Variants in RAB11FIP4 observed in about 807,000 individuals in gnomAD.
RAB11FIP4 encodes rab11 family-interacting protein 4.
Under a neutral mutation model 74.3 loss-of-function variants are expected in RAB11FIP4, and 23 were observed. That is an observed-to-expected ratio of 0.31 (90% CI 0.22 to 0.44). The LOEUF (loss-of-function observed/expected upper bound fraction) is 0.44. RAB11FIP4 is among the 20% of genes least tolerant of loss of function. The pLI, the probability that RAB11FIP4 is intolerant of heterozygous loss-of-function variation, is 1.00. For synonymous variants in RAB11FIP4, 360 were observed against 359.9 expected (o/e 1.00, Z 0.00); for missense variants, 630 against 863.9 (o/e 0.73, Z 3.39).
chr17:31,493,514 C>A (rs925340652), intron 3 of RAB11FIP4, among the ~76,000 whole-genome samples: 1 of 151,976 alleles, frequency 6.6e-6, no homozygotes, highest in Non-Finnish European at 1.5e-5. Flanking sequence ...ACCCTCTGCA[C>A]CAGACTCAAG....
chr17:31,498,157 C>T (rs1567677510), intron 3 of RAB11FIP4, among the ~76,000 whole-genome samples: 3 of 152,090 alleles, frequency 2.0e-5, no homozygotes, highest in Non-Finnish European at 4.4e-5. Context: ...GAGGGGGTTC[C>T]CAATGGACTC....
intron 3 of RAB11FIP4, among the ~76,000 whole-genome samples, chr17:31,453,255 G>A (rs2071542461): frequency 6.6e-6 from 1 of 151,554 alleles, no homozygotes; most frequent in East Asian, 2.0e-4. Flanking sequence ...GGAGGCTGAG[G>A]TGGGAGGATC....
At chr17:31,507,644 T>C (rs1219772191) in intron 3 of RAB11FIP4, among the ~76,000 whole-genome samples, 1 of 152,006 alleles carries the variant, frequency 6.6e-6, no homozygotes, top group East Asian at 1.9e-4. Flanking sequence ...CCTTCATTTC[T>C]CTCATCTATT....
At position 31,397,482 on chromosome 17, in the gene RAB11FIP4, G is replaced by T. The variant is rs78818700; in HGVS notation, c.159+5471G>T. The stretch of plus-strand genomic sequence containing the variant: ...TTTTGAGACCAGGCAACCTCTATGT[G>T]CCCCACCCTAATGAGGCTACCATGC... On this transcript the variant is annotated intron_variant, in intron 1 of 14. Transcript: ENST00000621161. Among the ~76,000 whole-genome samples the T allele has an allele frequency of 2.5e-3, 387 of 152,316 alleles. 1 individual carries two copies. The highest frequency in any genetic ancestry group is 9.0e-3 in the African/African-American group (373 of 41,562).
chr17:31,414,030 C>T (rs961822417), intron 1 of RAB11FIP4, among the ~76,000 whole-genome samples: 4 of 152,230 alleles, frequency 2.6e-5, no homozygotes, highest in African/African-American at 4.8e-5. Context: ...TTATCCCGAG[C>T]CTGCTCTGTG....
At chr17:31,414,915 G>C (rs2071132767) in intron 1 of RAB11FIP4, among the ~76,000 whole-genome samples, 1 of 152,238 alleles carries the variant, frequency 6.6e-6, no homozygotes, top group African/African-American at 2.4e-5. Context: ...AGGTAGGGCA[G>C]CTCCAGGGCT....
intron 1 of RAB11FIP4, among the ~76,000 whole-genome samples, chr17:31,429,887 G>A (rs76593641): frequency 1.9e-3 from 281 of 151,026 alleles, no homozygotes; most frequent in African/African-American, 6.5e-3. Flanking sequence ...GATGCTCTTC[G>A]GGGCTGTCCT....
chr17:31,402,392 G>T (rs1189031975), intron 1 of RAB11FIP4, among the ~76,000 whole-genome samples: 2 of 152,170 alleles, frequency 1.3e-5, no homozygotes, highest in African/African-American at 4.8e-5. Context: ...GGGACCAGAT[G>T]GTGACTTTCG....
chr17:31,536,936 G>T lies in RAB11FIP4; in HGVS notation c.*5204G>T, dbSNP rs1551358. 0.67 allele frequency: 266,696 copies of T among 398,616 alleles called. 89,368 individuals carry two copies. The highest frequency in any genetic ancestry group is 0.75 in the East Asian group (20,939 of 28,052). The allele number at this position is 398,616 out of a possible 1,614,324, so 24.7% of individuals were successfully genotyped here. On this transcript the variant is annotated 3_prime_UTR_variant, in exon 15 of 15. Coordinates refer to ENST00000621161, the MANE Select transcript of RAB11FIP4 (RefSeq NM_032932.6). Reference sequence around the variant, plus strand: ...CATATGACCTCCCTGCCCCGACCTCGTAGGTTGCTCCTTTCCCCATCTGTA... The same window carrying T: ...CATATGACCTCCCTGCCCCGACCTCTTAGGTTGCTCCTTTCCCCATCTGTA...
Position 31,525,118 on chromosome 17 carries a change from G to A in RAB11FIP4, c.1162G>A (p.Asp388Asn). The A allele has an allele frequency of 6.4e-7, 1 of 1,550,556 alleles. No individual in the cohort carries two copies. Among genetic ancestry groups the A allele is most frequent in the Non-Finnish European group, 8.7e-7 (1 of 1,147,150 alleles). The change falls in exon 10 of 15, where the codon GAT (aspartate) becomes AAT (asparagine). Residue 388 changes from aspartate (D) to asparagine (N), a missense_variant. Asp to Asn is a conservative substitution (Grantham distance 23). Transcript: ENST00000621161. ...RVHELEEMVKDQETTAEQALE... is the reference protein window; with the variant it reads ...RVHELEEMVKNQETTAEQALE... ...GCATGAGCTGGAGGAGATGGTGAAG[G>A]ATCAGGAGACCACGGCCGAGCAGGC...
chr17:31,494,293 G>T (rs190749025), intron 3 of RAB11FIP4, among the ~76,000 whole-genome samples: 1 of 151,380 alleles, frequency 6.6e-6, no homozygotes, highest in Non-Finnish European at 1.5e-5. Context: ...CCTGTAAAAC[G>T]AGGATGAGGC....
At chr17:31,468,828 C>A (rs1204569669) in intron 3 of RAB11FIP4, among the ~76,000 whole-genome samples, 14 of 146,590 alleles carry the variant, frequency 9.6e-5, no homozygotes, top group African/African-American at 7.6e-5. Context: ...GACTCTGTCT[C>A]AAAAAAAAAA....
intron 1 of RAB11FIP4, among the ~76,000 whole-genome samples, chr17:31,399,863 G>A (rs1367549863): frequency 6.6e-6 from 1 of 151,542 alleles, no homozygotes; most frequent in African/African-American, 2.4e-5. Context: ...GGCCAACATG[G>A]TGAAACTTGT....
chr17:31,449,496 A>G (rs2071504021), intron 3 of RAB11FIP4, among the ~76,000 whole-genome samples: 2 of 152,048 alleles, frequency 1.3e-5, no homozygotes, highest in Admixed American at 1.3e-4. Flanking sequence ...TGCCACTCCC[A>G]ATGATGTCTT....
intron 3 of RAB11FIP4, among the ~76,000 whole-genome samples, chr17:31,477,771 G>A (rs924107296): frequency 1.3e-5 from 2 of 152,134 alleles, no homozygotes; most frequent in East Asian, 3.8e-4. Flanking sequence ...TAACGGCTAG[G>A]TGCACAGTCT....
chr17:31,439,447 C>G (rs1275892782), intron 3 of RAB11FIP4, among the ~76,000 whole-genome samples: 1 of 152,238 alleles, frequency 6.6e-6, no homozygotes, highest in East Asian at 1.9e-4. Flanking sequence ...CTGCCGTCCT[C>G]TGTGCTGCCC....
intron 3 of RAB11FIP4, among the ~76,000 whole-genome samples, chr17:31,450,953 C>A (rs2071521485): frequency 1.3e-5 from 2 of 152,102 alleles, no homozygotes; most frequent in African/African-American, 4.8e-5. Flanking sequence ...AGGATCAAGT[C>A]ATCCTTAATT....
chr17:31,462,825 G>A (rs1309722523), intron 3 of RAB11FIP4, among the ~76,000 whole-genome samples: 7 of 152,054 alleles, frequency 4.6e-5, no homozygotes, highest in Non-Finnish European at 7.4e-5. Context: ...TAGTGGAGAC[G>A]GAGTTTCGCC....
chr17:31,392,035 C>G lies in RAB11FIP4; in HGVS notation c.159+24C>G, dbSNP rs774997156. Reference sequence around the variant, plus strand: ...AGGTAAGCTGGCCCGACCCCAGTCCCGGCCCGGGGACCCCAGCCCAGCCCC... The same window carrying G: ...AGGTAAGCTGGCCCGACCCCAGTCCGGGCCCGGGGACCCCAGCCCAGCCCC... On this transcript the variant is annotated intron_variant, in intron 1 of 14. Transcript: ENST00000621161. The G allele has an allele frequency of 9.0e-5, 113 of 1,257,366 alleles. No homozygotes were observed. The African/African-American group carries it at 1.5e-3, about 17-fold the overall frequency. The allele number at this position is 1,257,366 out of a possible 1,614,324, so 77.9% of individuals were successfully genotyped here. A position where few individuals can be genotyped will look rare whatever the true frequency, so the allele number is the denominator to read the frequency against.
Sources: gnomAD v4.1 joint callset for allele counts (sites outside exome capture counted in the v4.1 genomes callset) on GRCh38, gnomAD v4.1.1 for gene constraint, MANE v1.5 for transcripts, NCBI Gene and HGNC (gene_info 2026-07-23, HGNC 2026-07-21) for gene names.